The following ZDHHC13 variants were observed in gnomAD, a reference collection of about 807,000 sequenced individuals.
ZDHHC13 encodes the protein palmitoyltransferase ZDHHC13.
ZDHHC13 carries 85 observed loss-of-function variants against 86.0 expected under a neutral mutation model. The ratio of observed to expected loss-of-function variants is 0.99; its 90% CI spans 0.83 to 1.18. The LOEUF is 1.18. ZDHHC13 is among the 50% of genes most tolerant of loss of function. ZDHHC13 has a pLI of 0.00. For synonymous variants in ZDHHC13, 263 were observed against 246.4 expected (o/e 1.07, Z -0.63); for missense variants, 711 against 730.2 (o/e 0.97, Z 0.30).
chr11:19,176,162 G>T lies in ZDHHC13; in HGVS notation c.*202G>T. 2.4e-6 allele frequency: 1 copy of T among 425,144 alleles called. No individual in the cohort carries two copies. Among genetic ancestry groups the T allele is most frequent in the Non-Finnish European group, 3.9e-6 (1 of 253,510 alleles). The allele number at this position is 425,144 out of a possible 1,614,324, so 26.3% of individuals were successfully genotyped here. A position where few individuals can be genotyped will look rare whatever the true frequency, so the allele number is the denominator to read the frequency against. On this transcript the variant is annotated 3_prime_UTR_variant, in exon 17 of 17. Coordinates refer to ENST00000446113, the MANE Select transcript of ZDHHC13 (RefSeq NM_019028.3). ...AAGATGGACTTTTCTGATAAATCTT[G>T]GCAGACATCTAAAAAAAAAACCATA...
intron 6 of ZDHHC13, among the ~76,000 whole-genome samples, chr11:19,151,018 T>C (rs1046434169): frequency 2.0e-5 from 3 of 152,066 alleles, no homozygotes; most frequent in African/African-American, 7.2e-5. Context: ...GTTTGAAAGC[T>C]ACTAATAAGA....
intron 1 of ZDHHC13, among the ~76,000 whole-genome samples, chr11:19,118,973 G>A (rs1848703104): frequency 6.6e-6 from 1 of 152,220 alleles, no homozygotes; most frequent in Admixed American, 6.5e-5. Flanking sequence ...TTTAGGTGCT[G>A]TGATAAATTA....
chr11:19,166,484 A>G, intron 14 of ZDHHC13, 99 bp downstream of exon 14: 1 of 919,962 alleles, frequency 1.1e-6, no homozygotes, highest in Non-Finnish European at 1.6e-6. Context: ...GGGTGACTAT[A>G]AACCATACTC....
Position 19,117,169 on chromosome 11 carries a change from G to T in ZDHHC13, c.-81G>T. The T allele has an allele frequency of 2.7e-6, 4 of 1,481,392 alleles. No individual in the cohort carries two copies. In the South Asian group the frequency reaches 4.8e-5, roughly 18 times the overall value. 91.8% of individuals were successfully genotyped at this position (1,481,392 alleles called of 1,614,324 possible). The stretch of plus-strand genomic sequence containing the variant: ...AGGGCGCCAGCAGGAAGTGGGAGAA[G>T]AGGCGACCCAAGGCGGGCTGGCGGG... On this transcript the variant is annotated 5_prime_UTR_variant, in exon 1 of 17. Transcript: ENST00000446113. The surrounding 1 kb of genome is among the most constrained non-coding windows in gnomAD (Gnocchi z 4.2).
chr11:19,156,501 A>G (rs773503723), intron 9 of ZDHHC13, among the ~76,000 whole-genome samples: 4 of 152,220 alleles, frequency 2.6e-5, no homozygotes, highest in Non-Finnish European at 4.4e-5. Flanking sequence ...ACAAGTTGCT[A>G]TAAAATGAGG....
intron 5 of ZDHHC13, among the ~76,000 whole-genome samples, chr11:19,150,386 A>C (rs575151342): frequency 7.9e-5 from 12 of 152,266 alleles, no homozygotes; most frequent in African/African-American, 2.9e-4. Flanking sequence ...AATGCGAATT[A>C]ATGTGTCAAC....
intron 15 of ZDHHC13, 151 bp from the exon 16 acceptor site, chr11:19,172,572 C>A: frequency 1.9e-6 from 1 of 523,810 alleles, no homozygotes; most frequent in Non-Finnish European, 3.2e-6. Context: ...ATGTTCTTTA[C>A]TTCTGATTAA....
intron 1 of ZDHHC13, among the ~76,000 whole-genome samples, chr11:19,129,858 C>T (rs1387499348): frequency 5.3e-5 from 8 of 152,066 alleles, no homozygotes; most frequent in African/African-American, 1.9e-4. Context: ...TTTGGGAGGC[C>T]GAGGCGGGTG....
At chr11:19,157,897 A>G (rs1849802154) in intron 9 of ZDHHC13, among the ~76,000 whole-genome samples, 1 of 152,170 alleles carries the variant, frequency 6.6e-6, no homozygotes. Flanking sequence ...ACTGTAAACT[A>G]CTATTATTAC....
chr11:19,149,475 A>G lies in ZDHHC13; in HGVS notation c.519+144A>G, dbSNP rs533807998. ...GATATTAGCCTCAGTACGTTTAGCC[A>G]TTGAATACTGCTTTTCAGCTTCATT... On this transcript the variant is annotated intron_variant, in intron 5 of 16. Transcript: ENST00000446113. The G allele has an allele frequency of 2.5e-3, 1,976 of 775,094 alleles. 5 individuals carry two copies. The highest frequency in any genetic ancestry group is 8.2e-3 in the Middle Eastern group (20 of 2,452). The allele number at this position is 775,094 out of a possible 1,614,324, so 48.0% of individuals were successfully genotyped here.
rs1195868794 is a variant in ZDHHC13, at chr11:19,172,772, A to G, written c.1682A>G (p.Gln561Arg). ...TSHERISLQK[Q>R]SKHMKQTLSL... ...CATGAGAGAATCAGCCTGCAGAAGCAGAGCAAGCATATGAAACAGACGTTG... is the reference window on the plus strand; with the variant it reads ...CATGAGAGAATCAGCCTGCAGAAGCGGAGCAAGCATATGAAACAGACGTTG... Residue 561 changes from glutamine (Q) to arginine (R), a missense_variant, in exon 16 of 17, where the codon CAG (glutamine) becomes CGG (arginine). Gln to Arg is a conservative substitution (Grantham distance 43, BLOSUM62 1). Coordinates refer to ENST00000446113, the MANE Select transcript of ZDHHC13 (RefSeq NM_019028.3). The G allele has an allele frequency of 6.2e-7, 1 of 1,606,950 alleles. No homozygotes were observed. Among genetic ancestry groups the G allele is most frequent in the Non-Finnish European group, 8.5e-7 (1 of 1,176,750 alleles).
intron 1 of ZDHHC13, among the ~76,000 whole-genome samples, chr11:19,139,113 G>A (rs977205986): frequency 2.0e-4 from 30 of 152,202 alleles, no homozygotes; most frequent in African/African-American, 6.5e-4. Context: ...AGGAAAAAAG[G>A]AAGTCAAATT....
intron 1 of ZDHHC13, among the ~76,000 whole-genome samples, chr11:19,138,206 T>C (rs1255935915): frequency 2.7e-5 from 4 of 149,494 alleles, no homozygotes; most frequent in Non-Finnish European, 4.5e-5. Flanking sequence ...ATCAAATAGA[T>C]GCAATAAAAA....
intron 1 of ZDHHC13, among the ~76,000 whole-genome samples, chr11:19,122,696 G>A (rs1848781905): frequency 6.6e-6 from 1 of 152,104 alleles, no homozygotes; most frequent in African/African-American, 2.4e-5. Context: ...CCTGCCAGCA[G>A]AGGTGTGCTA....
rs767411138 is a variant in ZDHHC13, at chr11:19,175,822, T to C, written c.1731T>C (p.Asn577=). 1.2e-6 allele frequency: 2 copies of C among 1,610,262 alleles called. No individual in the cohort carries two copies. The highest frequency in any genetic ancestry group is 2.2e-5 in the East Asian group (1 of 44,846). Residue 577 remains asparagine, a splice_region_variant and synonymous_variant, in exon 17 of 17, where the codon AAT becomes AAC. Coordinates refer to ENST00000446113, the MANE Select transcript of ZDHHC13 (RefSeq NM_019028.3). ...QTLSLRKTPY[N]LGFMQNLADF... ...GTTCTCTTTTTTTTTTTCTTGGCAG[T>C]CTTGGATTCATGCAGAACCTGGCAG...
intron 1 of ZDHHC13, among the ~76,000 whole-genome samples, chr11:19,135,818 C>T (rs1488428670): frequency 1.3e-5 from 2 of 152,232 alleles, no homozygotes; most frequent in African/African-American, 4.8e-5. Context: ...GGTAGACTGA[C>T]ACCTCACATG....
chr11:19,163,482 A>C, intron 11 of ZDHHC13, 55 bp downstream of exon 11: 1 of 1,518,234 alleles, frequency 6.6e-7, no homozygotes, highest in Non-Finnish European at 8.8e-7. Flanking sequence ...AACTTTAGAA[A>C]GTTTATATGC....
intron 1 of ZDHHC13, among the ~76,000 whole-genome samples, chr11:19,125,847 C>T (rs1466758045): frequency 6.6e-6 from 1 of 152,150 alleles, no homozygotes; most frequent in African/African-American, 2.4e-5. Context: ...AGATTGTGTA[C>T]TGTATGATTC....
intron 14 of ZDHHC13, chr11:19,167,258 A>G (rs878947249): frequency 6.6e-6 from 1 of 152,202 alleles, no homozygotes; most frequent in Admixed American, 6.5e-5. Flanking sequence ...AGACTTTACC[A>G]GTAGGGTACT....
Sources: gnomAD v4.1 joint callset for allele counts (sites outside exome capture counted in the v4.1 genomes callset) on GRCh38, gnomAD v4.1.1 for gene constraint, Gnocchi (gnomAD v3.1) non-coding constraint, MANE v1.5 for transcripts, NCBI Gene and HGNC (gene_info 2026-07-23, HGNC 2026-07-21) for gene names.